The following RELN variants were observed in gnomAD, a reference collection of about 807,000 sequenced individuals.
RELN encodes reelin.
Under a neutral mutation model 427.6 loss-of-function variants are expected in RELN, and 108 were observed. The ratio of observed to expected loss-of-function variants is 0.25; its 90% CI spans 0.22 to 0.30. The LOEUF (loss-of-function observed/expected upper bound fraction) is 0.30. RELN is among the 10% of genes least tolerant of loss of function. The probability of loss-of-function intolerance (pLI) is 1.00; values close to 1 mark genes in which losing one functional copy is unlikely to be tolerated. For synonymous variants in RELN, 1,524 were observed against 1,513.4 expected, an observed-to-expected ratio of 1.01 and a Z score of -0.16; for missense variants, 3,715 against 4,302.8, an observed-to-expected ratio of 0.86 and a Z score of 3.82.
chr7:103,756,473 A>G (rs148389353), intron 4 of RELN, among the ~76,000 whole-genome samples: 2 of 152,320 alleles, frequency 1.3e-5, no homozygotes, highest in African/African-American at 4.8e-5. Context: ...GGCTCCTCAA[A>G]AGCAGAAAAT....
intron 1 of RELN, among the ~76,000 whole-genome samples, chr7:103,981,277 T>A (rs1796986680): frequency 6.6e-6 from 1 of 152,162 alleles, no homozygotes; most frequent in Admixed American, 6.6e-5. Context: ...GAAATAAAGT[T>A]AGGTGAAGGA....
intron 3 of RELN, among the ~76,000 whole-genome samples, chr7:103,781,765 T>C (rs1328307114): frequency 1.3e-5 from 2 of 151,970 alleles, no homozygotes; most frequent in African/African-American, 4.8e-5. Flanking sequence ...TAACACACAA[T>C]ATATTTTAAA....
chr7:103,726,041 G>T (rs1790202979), intron 7 of RELN, among the ~76,000 whole-genome samples: 1 of 152,184 alleles, frequency 6.6e-6, no homozygotes, highest in South Asian at 2.1e-4. Context: ...TTTAAAAAGT[G>T]ATGTTTGGGG....
intron 57 of RELN, 66 bp downstream of exon 57, chr7:103,495,653 GACTA>G (rs1828818011): frequency 1.4e-6 from 2 of 1,399,660 alleles, no homozygotes; most frequent in Non-Finnish European, 2.0e-6. Flanking sequence ...ATAGTTGTCT[GACTA>G]ACCATTCTCC....
chr7:103,768,115 G>A (rs1278547301), intron 4 of RELN, among the ~76,000 whole-genome samples: 1 of 152,132 alleles, frequency 6.6e-6, no homozygotes, highest in African/African-American at 2.4e-5. Flanking sequence ...ACAGAGCCTG[G>A]CACACGGTAA....
intron 2 of RELN, among the ~76,000 whole-genome samples, chr7:103,854,422 G>T (rs1380499400): frequency 6.6e-6 from 1 of 152,112 alleles, no homozygotes; most frequent in Non-Finnish European, 1.5e-5. Flanking sequence ...TTTGCTGGTA[G>T]TCTTTCTTCT....
intron 8 of RELN, among the ~76,000 whole-genome samples, chr7:103,706,298 T>A (rs923547560): frequency 2.0e-5 from 3 of 151,970 alleles, no homozygotes; most frequent in African/African-American, 7.3e-5. Flanking sequence ...CTTCATAAGG[T>A]CTATACAATT....
At chr7:103,744,513 A>G (rs1050289376) in intron 6 of RELN, among the ~76,000 whole-genome samples, 98 of 152,222 alleles carry the variant, frequency 6.4e-4, no homozygotes, top group African/African-American at 8.9e-4. Context: ...CTGATAGACC[A>G]CTAGCAAGAC....
chr7:103,619,103 CCT>C (rs1390093739), intron 20 of RELN, among the ~76,000 whole-genome samples: 1 of 145,524 alleles, frequency 6.9e-6, no homozygotes, highest in African/African-American at 2.7e-5. Flanking sequence ...AGTGAGACTC[CCT>C]CTCAAATTAA....
intron 1 of RELN, among the ~76,000 whole-genome samples, chr7:103,970,053 G>A (rs749964446): frequency 3.9e-5 from 6 of 151,998 alleles, no homozygotes; most frequent in Admixed American, 3.9e-4. Flanking sequence ...CTGAGTCACC[G>A]GATACTCAAC....
chr7:103,602,113 G>A (rs1831684444), intron 24 of RELN, among the ~76,000 whole-genome samples: 1 of 152,112 alleles, frequency 6.6e-6, no homozygotes, highest in South Asian at 2.1e-4. Context: ...TTAATGGATT[G>A]ACAGATTTAA....
intron 58 of RELN, 87 bp downstream of exon 58, chr7:103,491,850 TCTCTCTCACACACACA>T (rs1374435811): frequency 5.3e-4 from 269 of 510,576 alleles, no homozygotes; most frequent in East Asian, 4.2e-3. Context: ...TCTCTCTCTC[TCTCTCTCACACACACA>T]CACACACACA....
intron 3 of RELN, among the ~76,000 whole-genome samples, chr7:103,805,265 T>C (rs1315707954): frequency 6.6e-6 from 1 of 152,158 alleles, no homozygotes. Context: ...AGGCAACAGA[T>C]GTGAAAGTGC....
chr7:103,870,474 A>G (rs2116522984), intron 2 of RELN, among the ~76,000 whole-genome samples: 1 of 151,966 alleles, frequency 6.6e-6, no homozygotes, highest in South Asian at 2.1e-4. Flanking sequence ...TGCCCAGTGA[A>G]TTTCCTAGGT....
chr7:103,977,833 G>C (rs1796912573), intron 1 of RELN, among the ~76,000 whole-genome samples: 1 of 152,100 alleles, frequency 6.6e-6, no homozygotes, highest in African/African-American at 2.4e-5. Flanking sequence ...AGAGTACCCT[G>C]ACACACCTGC....
At chr7:103,798,022 T>C (rs537911570) in intron 3 of RELN, among the ~76,000 whole-genome samples, 1 of 152,320 alleles carries the variant, frequency 6.6e-6, no homozygotes, top group Admixed American at 6.5e-5. Flanking sequence ...GATTTGTGCC[T>C]TTGGTCAGCC....
At chr7:103,931,102 G>C (rs1008520531) in intron 1 of RELN, among the ~76,000 whole-genome samples, 3 of 151,932 alleles carry the variant, frequency 2.0e-5, no homozygotes, top group Non-Finnish European at 4.4e-5. Flanking sequence ...TATAGTTTCA[G>C]TGCATCCTTA....
chr7:103,773,057 T>G (rs184896325), intron 4 of RELN, among the ~76,000 whole-genome samples: 15 of 152,198 alleles, frequency 9.9e-5, no homozygotes, highest in Non-Finnish European at 1.5e-4. Context: ...TGATGTGAGG[T>G]GGATCAGCGA....
intron 8 of RELN, among the ~76,000 whole-genome samples, chr7:103,701,844 C>T (rs1834099630): frequency 6.6e-6 from 1 of 152,008 alleles, no homozygotes; most frequent in East Asian, 1.9e-4. Flanking sequence ...AAAAATAGTG[C>T]AATTTATGTT....
Sources: gnomAD v4.1 joint callset for allele counts (sites outside exome capture counted in the v4.1 genomes callset) on GRCh38, gnomAD v4.1.1 for gene constraint, MANE v1.5 for transcripts, NCBI Gene and HGNC (gene_info 2026-07-23, HGNC 2026-07-21) for gene names.